The following GRIA4 variants were observed in gnomAD, a reference collection of about 807,000 sequenced individuals.
GRIA4 encodes glutamate ionotropic receptor AMPA type subunit 4.
Under a neutral mutation model 104.0 loss-of-function variants are expected in GRIA4, and 34 were observed. That is an observed-to-expected ratio of 0.33 (90% CI 0.25 to 0.44). GRIA4 has a LOEUF of 0.44. GRIA4 is among the 20% of genes least tolerant of loss of function. GRIA4 has a pLI of 1.00. For synonymous variants in GRIA4, 386 were observed against 381.9 expected (o/e 1.01, Z -0.13); for missense variants, 750 against 1,096.5 (o/e 0.68, Z 4.46).
At chr11:105,912,686 T>C in intron 10 of GRIA4, 1 of 886,280 alleles carries the variant, frequency 1.1e-6, no homozygotes, top group Non-Finnish European at 1.4e-6. Context: ...ATACCTCTGA[T>C]ATTTGCAACT....
intron 3 of GRIA4, among the ~76,000 whole-genome samples, chr11:105,652,971 G>A (rs904975334): frequency 6.6e-5 from 10 of 152,218 alleles, no homozygotes; most frequent in South Asian, 2.1e-4. Context: ...GCAGTGGCAC[G>A]ATCTTGGCTC....
chr11:105,678,938 C>T (rs1276987510), intron 3 of GRIA4, among the ~76,000 whole-genome samples: 2 of 151,978 alleles, frequency 1.3e-5, no homozygotes, highest in African/African-American at 4.8e-5. Flanking sequence ...AAAACTGAAT[C>T]AGAATGCCCT....
intron 3 of GRIA4, among the ~76,000 whole-genome samples, chr11:105,651,765 A>G (rs1203144206): frequency 6.6e-6 from 1 of 151,892 alleles, no homozygotes; most frequent in South Asian, 2.1e-4. Context: ...GTAGTAGCCT[A>G]TTGTCATTTA....
chr11:105,974,637 T>C, intron 16 of GRIA4, 193 bp downstream of exon 16: 1 of 1,341,832 alleles, frequency 7.5e-7, no homozygotes, highest in Non-Finnish European at 1.0e-6. Flanking sequence ...CCAGTGGTGG[T>C]ATTGCTTGCT....
intron 3 of GRIA4, among the ~76,000 whole-genome samples, chr11:105,684,118 C>T (rs1952795503): frequency 6.6e-6 from 1 of 152,116 alleles, no homozygotes; most frequent in Non-Finnish European, 1.5e-5. Context: ...AGGTGATCCA[C>T]CCGCCTCGGC....
chr11:105,696,883 G>GC (rs1221760561), intron 3 of GRIA4, among the ~76,000 whole-genome samples: 1 of 151,820 alleles, frequency 6.6e-6, no homozygotes, highest in East Asian at 1.9e-4. Flanking sequence ...TTCTGCCTCA[G>GC]CCCCCCAAAT....
At chr11:105,819,009 T>G (rs1270723152) in intron 4 of GRIA4, among the ~76,000 whole-genome samples, 1 of 152,170 alleles carries the variant, frequency 6.6e-6, no homozygotes, top group Non-Finnish European at 1.5e-5. Context: ...GGAAAACAAT[T>G]TTTCTCTTCA....
At chr11:105,913,556 C>T in intron 10 of GRIA4, 1 of 807,436 alleles carries the variant, frequency 1.2e-6, no homozygotes, top group Non-Finnish European at 1.5e-6. Flanking sequence ...CTGCAAATAA[C>T]CCAAAGAAGC....
At chr11:105,844,462 C>A (rs1013929338) in intron 4 of GRIA4, among the ~76,000 whole-genome samples, 4 of 152,152 alleles carry the variant, frequency 2.6e-5, no homozygotes, top group African/African-American at 9.7e-5. Flanking sequence ...ATATTCCAGA[C>A]CCTAAATGCC....
rs188733616 is a variant in GRIA4 at position 105,714,727 on chromosome 11, A to G, written c.248-38254A>G. 4.5e-4 allele frequency among the ~76,000 whole-genome samples: 68 copies of G among 152,278 alleles called. 1 individual carries two copies. The East Asian group carries it at 0.01, about 23-fold the overall frequency. ...TATGATGACAACATCTGTTTTAGAAATGTAAATTAATTATACTGAACAGAA... is the reference window on the plus strand; with the variant it reads ...TATGATGACAACATCTGTTTTAGAAGTGTAAATTAATTATACTGAACAGAA... On this transcript the variant is annotated intron_variant, in intron 3 of 16. Transcript: ENST00000282499.
intron 3 of GRIA4, among the ~76,000 whole-genome samples, chr11:105,672,446 GA>G (rs1565453262): frequency 6.6e-6 from 1 of 152,086 alleles, no homozygotes; most frequent in Non-Finnish European, 1.5e-5. Flanking sequence ...TCAAGTTACT[GA>G]GAAAAATTAG....
intron 5 of GRIA4, among the ~76,000 whole-genome samples, chr11:105,873,818 C>T (rs1945713574): frequency 6.6e-6 from 1 of 151,978 alleles, no homozygotes; most frequent in African/African-American, 2.4e-5. Flanking sequence ...GGATATTAGC[C>T]CTTTGTCAGA....
intron 4 of GRIA4, among the ~76,000 whole-genome samples, chr11:105,837,006 A>C (rs899298675): frequency 6.6e-6 from 1 of 152,148 alleles, no homozygotes; most frequent in African/African-American, 2.4e-5. Context: ...ACAGCTCTGC[A>C]TGGCTGGGGA....
intron 3 of GRIA4, among the ~76,000 whole-genome samples, chr11:105,698,219 A>T (rs1953355965): frequency 6.6e-6 from 1 of 152,154 alleles, no homozygotes; most frequent in Non-Finnish European, 1.5e-5. Flanking sequence ...ATATATATTA[A>T]TTATGTTAAT....
chr11:105,969,352 TC>T (rs1858560393), intron 14 of GRIA4, among the ~76,000 whole-genome samples: 1 of 152,184 alleles, frequency 6.6e-6, no homozygotes, highest in African/African-American at 2.4e-5. Flanking sequence ...AGAATGACTC[TC>T]CCAGTAATGA....
chr11:105,658,476 A>G (rs1951909080), intron 3 of GRIA4, among the ~76,000 whole-genome samples: 1 of 150,498 alleles, frequency 6.6e-6, no homozygotes, highest in Admixed American at 6.7e-5. Flanking sequence ...TAGGAAAACT[A>G]AAGAAAAAGT....
At chr11:105,888,448 T>C (rs1458565230) in intron 6 of GRIA4, among the ~76,000 whole-genome samples, 1 of 150,922 alleles carries the variant, frequency 6.6e-6, no homozygotes, top group Non-Finnish European at 1.5e-5. Context: ...TACGCCCGGC[T>C]AATTTTTTTT....
chr11:105,898,875 GTT>G (rs1467039859), intron 7 of GRIA4, among the ~76,000 whole-genome samples: 1 of 152,008 alleles, frequency 6.6e-6, no homozygotes, highest in Non-Finnish European at 1.5e-5. Context: ...TGTTTTCATT[GTT>G]TTCTGACTGA....
intron 5 of GRIA4, among the ~76,000 whole-genome samples, chr11:105,881,736 C>T (rs770417168): frequency 6.6e-6 from 1 of 151,972 alleles, no homozygotes; most frequent in Non-Finnish European, 1.5e-5. Flanking sequence ...CACACATACA[C>T]ACACAGACCT....
Sources: allele counts gnomAD v4.1 joint callset (sites outside exome capture counted in the v4.1 genomes callset), GRCh38; gene constraint gnomAD v4.1.1; transcripts MANE v1.5; gene names NCBI Gene and HGNC (gene_info 2026-07-23, HGNC 2026-07-21).